Variants in NAF1 observed in about 807,000 individuals in gnomAD.
NAF1 encodes the protein H/ACA ribonucleoprotein complex non-core subunit NAF1.
A neutral mutation model predicts 40.6 loss-of-function variants in NAF1; 11 were observed. The observed-to-expected ratio is 0.27, with a 90% CI of 0.17 to 0.45. NAF1 has a LOEUF of 0.45. Ranked by LOEUF, NAF1 falls within the 20% of genes least tolerant of loss-of-function variation. The probability of loss-of-function intolerance (pLI) is 1.00; values close to 1 mark genes in which losing one functional copy is unlikely to be tolerated. For missense variants in NAF1, 607 were observed against 611.1 expected, an observed-to-expected ratio of 0.99 and a Z score of 0.07; for synonymous variants, 260 against 228.5, an observed-to-expected ratio of 1.14 and a Z score of -1.24.
chr4:163,130,661 C>T (rs937754017), intron 7 of NAF1, among the ~76,000 whole-genome samples: 13 of 152,106 alleles, frequency 8.5e-5, no homozygotes, highest in South Asian at 2.1e-4. Context: ...GGATATTTAA[C>T]GAAGGAGCAA....
intron 2 of NAF1, among the ~76,000 whole-genome samples, chr4:163,153,079 C>G (rs994572872): frequency 6.6e-6 from 1 of 152,348 alleles, no homozygotes; most frequent in African/African-American, 2.4e-5. Context: ...TAGCTGCCTT[C>G]CTGCGGGGCA....
chr4:163,125,114 A>G (rs541880113), downstream of NAF1, among the ~76,000 whole-genome samples: 1 of 152,338 alleles, frequency 6.6e-6, no homozygotes, highest in Non-Finnish European at 1.5e-5. Context: ...ACTGCTCCAC[A>G]CATCTGCTGT....
intron 2 of NAF1, among the ~76,000 whole-genome samples, chr4:163,151,813 C>T (rs938940089): frequency 3.9e-5 from 6 of 152,074 alleles, no homozygotes; most frequent in African/African-American, 9.7e-5. Flanking sequence ...TTACAGTTGT[C>T]TTCATAAAGG....
intron 4 of NAF1, among the ~76,000 whole-genome samples, chr4:163,140,917 T>G (rs1045320368): frequency 2.0e-5 from 3 of 152,198 alleles, no homozygotes; most frequent in African/African-American, 7.2e-5. Context: ...TATTTATGTT[T>G]AAAAAACACA....
chr4:163,140,087 A>G, intron 5 of NAF1, 136 bp downstream of exon 5: 1 of 643,126 alleles, frequency 1.6e-6, no homozygotes, highest in Non-Finnish European at 2.4e-6. Context: ...GTAGGCTTCA[A>G]AGATATTATT....
chr4:163,152,646 C>T (rs371950546), intron 2 of NAF1, among the ~76,000 whole-genome samples: 1 of 152,238 alleles, frequency 6.6e-6, no homozygotes, highest in Non-Finnish European at 1.5e-5. Context: ...ATTTCCAATA[C>T]CAGTTCAGTG....
intron 1 of NAF1, among the ~76,000 whole-genome samples, chr4:163,165,505 G>C (rs1165730911): frequency 6.6e-6 from 1 of 152,126 alleles, no homozygotes; most frequent in Non-Finnish European, 1.5e-5. Flanking sequence ...ATCCAACCTT[G>C]TTTACAGTTG....
chr4:163,125,831 C>T (rs188254724), downstream of NAF1, among the ~76,000 whole-genome samples: 8 of 152,272 alleles, frequency 5.3e-5, no homozygotes, highest in Admixed American at 3.3e-4. Context: ...GACAGGCTAT[C>T]TTGTTAGGGG....
intron 5 of NAF1, among the ~76,000 whole-genome samples, chr4:163,139,618 T>G (rs1301116337): frequency 6.6e-6 from 1 of 152,050 alleles, no homozygotes; most frequent in Non-Finnish European, 1.5e-5. Context: ...TAAAAAAATA[T>G]TGCGGTCACA....
the NAF1 span, among the ~76,000 whole-genome samples, chr4:163,104,211 ACCGGCCGTTT>A: frequency 6.6e-6 from 1 of 151,950 alleles, no homozygotes; most frequent in African/African-American, 2.4e-5. Context: ...TAAGGCAGGA[ACCGGCCGTTT>A]CCACTTCTTT....
downstream of NAF1, among the ~76,000 whole-genome samples, chr4:163,106,868 A>T (rs1262509055): frequency 6.6e-6 from 1 of 152,190 alleles, no homozygotes; most frequent in Non-Finnish European, 1.5e-5. Flanking sequence ...ATTCACTTCA[A>T]TTTATAGTAC....
intron 5 of NAF1, among the ~76,000 whole-genome samples, chr4:163,139,502 TTAAA>T (rs1029075279): frequency 6.6e-6 from 1 of 152,068 alleles, no homozygotes; most frequent in African/African-American, 2.4e-5. Context: ...ATATAAAAAA[TTAAA>T]TAACATAATT....
chr4:163,127,606 T>C (rs1449323124), downstream of NAF1, among the ~76,000 whole-genome samples: 1 of 152,202 alleles, frequency 6.6e-6, no homozygotes, highest in Non-Finnish European at 1.5e-5. Context: ...TGCTATAACC[T>C]GTGAAGGTAA....
chr4:163,156,621 T>C (rs1731997018), intron 2 of NAF1, among the ~76,000 whole-genome samples: 1 of 152,106 alleles, frequency 6.6e-6, no homozygotes, highest in South Asian at 2.1e-4. Context: ...CTGCTTTACA[T>C]TCTCACACAT....
At chr4:163,162,952 T>C (rs1181123888) in intron 2 of NAF1, among the ~76,000 whole-genome samples, 5 of 152,166 alleles carry the variant, frequency 3.3e-5, no homozygotes, top group Non-Finnish European at 7.4e-5. Context: ...TAAACAAATA[T>C]GCTAAGACTT....
At chr4:163,159,819 T>C (rs896613633) in intron 2 of NAF1, among the ~76,000 whole-genome samples, 7 of 152,160 alleles carry the variant, frequency 4.6e-5, no homozygotes, top group Non-Finnish European at 8.8e-5. Context: ...TAAAGACACA[T>C]TATTATCCCT....
At chr4:163,147,598 T>C (rs540176459) in intron 3 of NAF1, among the ~76,000 whole-genome samples, 3 of 152,214 alleles carry the variant, frequency 2.0e-5, no homozygotes, top group African/African-American at 4.8e-5. Flanking sequence ...CACATGTTTT[T>C]AAGACAAAAT....
chr4:163,120,566 G>A (rs963556264), intron 2 of NAF1, among the ~76,000 whole-genome samples: 3 of 152,166 alleles, frequency 2.0e-5, no homozygotes, highest in African/African-American at 7.2e-5. Context: ...ACCTTTATAT[G>A]AGTAGAAATG....
chr4:163,140,077 G>A (rs1731198926), intron 5 of NAF1, 146 bp downstream of exon 5: 2 of 582,982 alleles, frequency 3.4e-6, no homozygotes, highest in Non-Finnish European at 5.5e-6. Context: ...AAAATAAATT[G>A]TAGGCTTCAA....
Sources: allele counts gnomAD v4.1 joint callset (sites outside exome capture counted in the v4.1 genomes callset), GRCh38; gene constraint gnomAD v4.1.1; transcripts MANE v1.5; gene names NCBI Gene and HGNC (gene_info 2026-07-23, HGNC 2026-07-21).